The following NRP1 variants were observed in gnomAD, a reference collection of about 807,000 sequenced individuals.
NRP1 encodes neuropilin-1.
In NRP1, 35 loss-of-function variants were observed where a neutral mutation model predicts 106.7. The observed-to-expected ratio is 0.33, with a 90% CI of 0.25 to 0.43. NRP1 has a LOEUF of 0.43. NRP1 is among the 20% of genes least tolerant of loss of function. The pLI, the probability that NRP1 is intolerant of heterozygous loss-of-function variation, is 1.00. For synonymous variants in NRP1, 437 were observed against 417.9 expected (o/e 1.05, Z -0.56); for missense variants, 1,024 against 1,170.4 (o/e 0.87, Z 1.83).
At chr10:33,214,721 G>A (rs1220452900) in intron 8 of NRP1, among the ~76,000 whole-genome samples, 2 of 152,120 alleles carry the variant, frequency 1.3e-5, no homozygotes, top group African/African-American at 4.8e-5. Context: ...GACAAATATG[G>A]TCTGATTCCA....
chr10:33,180,422 A>T, intron 16 of NRP1, 57 bp from the exon 17 acceptor site: 1 of 1,493,636 alleles, frequency 6.7e-7, no homozygotes, highest in Non-Finnish European at 9.0e-7. Context: ...AGATGAAAGC[A>T]GACAGAAAAA....
At chr10:33,280,202 G>T (rs984751113) in intron 2 of NRP1, among the ~76,000 whole-genome samples, 1 of 152,148 alleles carries the variant, frequency 6.6e-6, no homozygotes, top group Non-Finnish European at 1.5e-5. Context: ...TATTGTCCAG[G>T]AAGATTTTGT....
At chr10:33,221,617 T>C (rs985686839) in intron 8 of NRP1, 102 bp downstream of exon 8, 4 of 1,236,296 alleles carry the variant, frequency 3.2e-6, no homozygotes, top group Non-Finnish European at 4.6e-6. Context: ...TAAAAATGAT[T>C]GCATTTACAA....
intron 4 of NRP1, among the ~76,000 whole-genome samples, chr10:33,261,765 T>C (rs1842589583): frequency 1.3e-5 from 2 of 152,220 alleles, no homozygotes; most frequent in Admixed American, 6.5e-5. Context: ...AAACAGATTC[T>C]TGCTCTGTTC....
chr10:33,260,174 CTT>C (rs896667502), intron 4 of NRP1, among the ~76,000 whole-genome samples: 1 of 152,092 alleles, frequency 6.6e-6, no homozygotes, highest in Non-Finnish European at 1.5e-5. Context: ...TAAAGGTATC[CTT>C]TTTAAAATGA....
At chr10:33,213,869 TC>T in intron 8 of NRP1, 152 bp from the exon 9 acceptor site, 1 of 668,582 alleles carries the variant, frequency 1.5e-6, no homozygotes, top group Non-Finnish European at 2.5e-6. Context: ...AAATCTTTCC[TC>T]CCTCAAACCT....
rs10711145 is a variant in NRP1 at position 33,297,686 on chromosome 10, C to CAA, written c.249-26832_249-26831dup. 5.9e-3 allele frequency among the ~76,000 whole-genome samples: 567 copies of CAA among 95,896 alleles called. 9 individuals carry two copies. Among genetic ancestry groups the CAA allele is most frequent in the African/African-American group, 0.022 (509 of 23,204 alleles). The allele number at this position is 95,896 out of a possible 152,430, so 62.9% of individuals were successfully genotyped here. The stretch of plus-strand genomic sequence containing the variant: ...TGGGAGACAGAGCGAGACTTTGTCT[C>CAA]AAAAAAAAAAAAAAAAAAAAAGTAC... On this transcript the variant is annotated intron_variant, in intron 2 of 16. Transcript: ENST00000374867.
rs995506955 is a variant in NRP1, at chr10:33,226,137, A to T, written c.1134T>A (p.Pro378=). 6.2e-7 allele frequency: 1 copy of T among 1,614,042 alleles called. No homozygotes were observed. The highest frequency in any genetic ancestry group is 8.5e-7 in the Non-Finnish European group (1 of 1,179,946). The stretch of plus-strand genomic sequence containing the variant: ...CCACGGTGGCAGCCTAACTTACAAC[A>T]GGTTTGTTTCCTTCTTTTATGGTGA... ...DWITIKEGNK[P]VLFQGNTNPT... Residue 378 remains proline (P), a synonymous_variant, in exon 7 of 17, where the codon CCT becomes CCA. Coordinates refer to ENST00000374867, the MANE Select transcript of NRP1 (RefSeq NM_003873.7).
chr10:33,213,186 T>C (rs1588736733), intron 9 of NRP1, 200 bp downstream of exon 9: 1 of 1,407,346 alleles, frequency 7.1e-7, no homozygotes, highest in Non-Finnish European at 9.6e-7. Context: ...ATGCAATTCT[T>C]TTGCATGTTA....
chr10:33,325,187 G>C (rs1415447587), intron 2 of NRP1, among the ~76,000 whole-genome samples: 1 of 152,014 alleles, frequency 6.6e-6, no homozygotes, highest in African/African-American at 2.4e-5. Flanking sequence ...CTTTACTAAA[G>C]GTATATATTC....
chr10:33,191,268 C>T (rs1836392913), intron 13 of NRP1, among the ~76,000 whole-genome samples: 1 of 152,128 alleles, frequency 6.6e-6, no homozygotes, highest in East Asian at 1.9e-4. Flanking sequence ...TTTTCTGTCC[C>T]CCAACCCATT....
At chr10:33,237,346 G>A (rs751616403) in intron 6 of NRP1, among the ~76,000 whole-genome samples, 1 of 151,930 alleles carries the variant, frequency 6.6e-6, no homozygotes, top group Non-Finnish European at 1.5e-5. Flanking sequence ...CTTCTGGAAG[G>A]GTCTAGAAAG....
At chr10:33,269,754 A>G (rs1328294714) in intron 3 of NRP1, among the ~76,000 whole-genome samples, 1 of 152,092 alleles carries the variant, frequency 6.6e-6, no homozygotes, top group Non-Finnish European at 1.5e-5. Flanking sequence ...GCAGCACTAG[A>G]TTCTCATAGG....
At chr10:33,202,643 A>G (rs995998561) in intron 11 of NRP1, 25 of 1,533,844 alleles carry the variant, frequency 1.6e-5, no homozygotes, top group Non-Finnish European at 2.0e-5. Flanking sequence ...TATTCAATTA[A>G]GATAATCCTA....
In NRP1 at chr10:33,212,676, ATT is replaced by A. The variant is rs58249106; in HGVS notation, c.1614+708_1614+709del. 1.1e-4 allele frequency: 17 copies of A among 150,240 alleles called. No individual in the cohort carries two copies. The East Asian group carries it at 2.4e-3, about 21-fold the overall frequency. 9.3% of individuals were successfully genotyped at this position (150,240 alleles called of 1,614,324 possible). ...TATTATATGTATTTTATCACAATTA[ATT>A]TTTTTTTTTTGAGACGGAATCTCAC... On this transcript the variant is annotated intron_variant, in intron 9 of 16. Coordinates refer to ENST00000374867, the MANE Select transcript of NRP1 (RefSeq NM_003873.7).
At chr10:33,297,006 AT>A (rs1845435329) in intron 2 of NRP1, among the ~76,000 whole-genome samples, 1 of 152,138 alleles carries the variant, frequency 6.6e-6, no homozygotes, top group Admixed American at 6.5e-5. Flanking sequence ...AAAAAAAAGA[AT>A]AAAAAACCAA....
intron 6 of NRP1, among the ~76,000 whole-genome samples, 164 bp downstream of exon 6, chr10:33,253,864 G>C (rs1842023355): frequency 6.6e-6 from 1 of 152,206 alleles, no homozygotes; most frequent in African/African-American, 2.4e-5. Context: ...ATTTATACCT[G>C]ATGGCCGTGA....
intron 12 of NRP1, chr10:33,195,513 T>G (rs2132648352): frequency 1.9e-6 from 1 of 533,372 alleles, no homozygotes; most frequent in Non-Finnish European, 3.8e-6. Flanking sequence ...CAAAATGGAA[T>G]TATGATGAAG....
intron 6 of NRP1, among the ~76,000 whole-genome samples, chr10:33,232,791 C>T (rs772995323): frequency 9.9e-5 from 15 of 151,520 alleles, no homozygotes; most frequent in Admixed American, 2.0e-4. Flanking sequence ...TGTAGGCCCC[C>T]GCTCTCACGC....
Sources: gnomAD v4.1 joint callset for allele counts (sites outside exome capture counted in the v4.1 genomes callset) on GRCh38, gnomAD v4.1.1 for gene constraint, MANE v1.5 for transcripts, NCBI Gene and HGNC (gene_info 2026-07-23, HGNC 2026-07-21) for gene names.